Variants in REDIC1 observed in about 807,000 individuals in gnomAD.
REDIC1 encodes the protein HEI10 Interacting Protein 1.
At chr12:39,691,957 C>T in the REDIC1 span, 35 of 1,158,446 alleles carry the variant, frequency 3.0e-5, no homozygotes, top group African/African-American at 5.5e-4. Context: ...AAGAAAAGTA[C>T]TATAAAATGA....
At chr12:39,697,141 A>G in the REDIC1 span, among the ~76,000 whole-genome samples, 38 of 152,248 alleles carry the variant, frequency 2.5e-4, no homozygotes, top group Admixed American at 2.1e-3. Context: ...AGTAACATAC[A>G]ATGGAGCTGC....
At chr12:39,845,431 T>G in the REDIC1 span, among the ~76,000 whole-genome samples, 3 of 152,246 alleles carry the variant, frequency 2.0e-5, no homozygotes, top group East Asian at 5.8e-4. Flanking sequence ...TATAAGTGTT[T>G]CAAACAGGGA....
At chr12:39,801,495 C>A in the REDIC1 span, among the ~76,000 whole-genome samples, 9 of 152,090 alleles carry the variant, frequency 5.9e-5, no homozygotes, top group Non-Finnish European at 1.2e-4. Context: ...AGTCTAATTT[C>A]TCTTGGCACA....
At chr12:39,720,725 T>G in the REDIC1 span, 1 of 1,186,122 alleles carries the variant, frequency 8.4e-7, no homozygotes, top group Non-Finnish European at 1.2e-6. Flanking sequence ...TTCTTTGAAG[T>G]GATTGAATGC....
the REDIC1 span, among the ~76,000 whole-genome samples, chr12:39,666,510 T>A: frequency 1.3e-5 from 2 of 152,228 alleles, no homozygotes; most frequent in African/African-American, 4.8e-5. Context: ...TCATCAGGAA[T>A]ATTGGTCTAA....
chr12:39,654,190 C>T, the REDIC1 span, among the ~76,000 whole-genome samples: 1 of 152,166 alleles, frequency 6.6e-6, no homozygotes, highest in African/African-American at 2.4e-5. Flanking sequence ...AGTGCTCCTT[C>T]CATGTCTCTT....
chr12:39,771,139 C>T, the REDIC1 span, among the ~76,000 whole-genome samples: 5 of 152,128 alleles, frequency 3.3e-5, no homozygotes, highest in Non-Finnish European at 7.4e-5. Context: ...ATTTAGACTC[C>T]GAGTGTGTGT....
chr12:39,788,064 C>T, the REDIC1 span, among the ~76,000 whole-genome samples: 1 of 152,100 alleles, frequency 6.6e-6, no homozygotes, highest in Admixed American at 6.5e-5. Flanking sequence ...ATTACTCATA[C>T]TTGTTGTGGG....
At chr12:39,879,270 C>A in the REDIC1 span, among the ~76,000 whole-genome samples, 1 of 152,206 alleles carries the variant, frequency 6.6e-6, no homozygotes, top group African/African-American at 2.4e-5. Context: ...GGGGTTGAGC[C>A]CTCAGACAGA....
chr12:39,823,083 G>A, the REDIC1 span, among the ~76,000 whole-genome samples: 1 of 152,078 alleles, frequency 6.6e-6, no homozygotes, highest in African/African-American at 2.4e-5. Context: ...ATTATTTATG[G>A]GTAGATGAAA....
the REDIC1 span, among the ~76,000 whole-genome samples, chr12:39,677,602 T>C: frequency 2.6e-5 from 4 of 152,144 alleles, no homozygotes; most frequent in Non-Finnish European, 5.9e-5. Flanking sequence ...TTAACAGATA[T>C]TTACAGAATA....
the REDIC1 span, among the ~76,000 whole-genome samples, chr12:39,858,128 A>G: frequency 2.0e-5 from 3 of 152,208 alleles, no homozygotes; most frequent in African/African-American, 7.2e-5. Flanking sequence ...GTATCCTTCC[A>G]TGACAGGTGG....
chr12:39,782,652 G>C, the REDIC1 span, among the ~76,000 whole-genome samples: 1 of 152,170 alleles, frequency 6.6e-6, no homozygotes, highest in Non-Finnish European at 1.5e-5. Flanking sequence ...ATGTGAACTT[G>C]ACATTGGAAC....
chr12:39,744,240 A>G, the REDIC1 span, among the ~76,000 whole-genome samples: 13 of 152,338 alleles, frequency 8.5e-5, no homozygotes, highest in South Asian at 2.5e-3. Flanking sequence ...ATTATCCTTC[A>G]AAAGTAAAGG....
chr12:39,653,160 C>T, the REDIC1 span, among the ~76,000 whole-genome samples: 1 of 152,054 alleles, frequency 6.6e-6, no homozygotes, highest in Non-Finnish European at 1.5e-5. Flanking sequence ...GTGACTTTGA[C>T]AGTCCACAAG....
the REDIC1 span, chr12:39,764,396 T>C: frequency 2.2e-6 from 3 of 1,334,232 alleles, no homozygotes; most frequent in South Asian, 4.6e-5. Context: ...AATGATATTA[T>C]AGTGTATCTA....
the REDIC1 span, among the ~76,000 whole-genome samples, chr12:39,748,336 A>G: frequency 6.6e-6 from 1 of 152,236 alleles, no homozygotes; most frequent in Admixed American, 6.5e-5. Context: ...CCATTACATA[A>G]TGGTAAAGGG....
chr12:39,739,264 G>A, the REDIC1 span, among the ~76,000 whole-genome samples: 2 of 152,116 alleles, frequency 1.3e-5, no homozygotes, highest in Non-Finnish European at 1.5e-5. Flanking sequence ...CCTACCATAT[G>A]GAAATAAATG....
At chr12:39,813,182 TA>T in the REDIC1 span, among the ~76,000 whole-genome samples, 1 of 151,754 alleles carries the variant, frequency 6.6e-6, no homozygotes, top group Admixed American at 6.6e-5. Context: ...AAACTTCTTT[TA>T]TTGGATTAAT....
Sources: allele counts gnomAD v4.1 joint callset (sites outside exome capture counted in the v4.1 genomes callset), GRCh38; gene constraint gnomAD v4.1.1; transcripts MANE v1.5; gene names NCBI Gene and HGNC (gene_info 2026-07-23, HGNC 2026-07-21).